C1QTNF7: variants seen among roughly 807,000 people sequenced by gnomAD.
The protein encoded by C1QTNF7 is complement C1q tumor necrosis factor-related protein 7.
C1QTNF7 carries 15 observed loss-of-function variants against 19.6 expected under a neutral mutation model. The ratio of observed to expected loss-of-function variants is 0.76; its 90% confidence interval spans 0.51 to 1.18. The LOEUF is 1.18. C1QTNF7 is among the 50% of genes most tolerant of loss of function. The pLI is 0.00. For synonymous variants in C1QTNF7, 142 were observed against 137.5 expected, an observed-to-expected ratio of 1.03 and a Z score of -0.23; for missense variants, 324 against 359.7, an observed-to-expected ratio of 0.90 and a Z score of 0.80.
intron 1 of C1QTNF7, among the ~76,000 whole-genome samples, chr4:15,430,693 C>A (rs1440494032): frequency 2.6e-5 from 4 of 151,894 alleles, no homozygotes; most frequent in Admixed American, 2.6e-4. Context: ...TGATTTATTC[C>A]CAGTCAAAAT....
At chr4:15,383,228 C>A (rs1718211208) in intron 1 of C1QTNF7, among the ~76,000 whole-genome samples, 1 of 152,110 alleles carries the variant, frequency 6.6e-6, no homozygotes, top group Non-Finnish European at 1.5e-5. Context: ...GTGACAAATG[C>A]AATCTCTTAT....
At chr4:15,378,939 T>G (rs1459374249) in intron 1 of C1QTNF7, among the ~76,000 whole-genome samples, 1 of 152,234 alleles carries the variant, frequency 6.6e-6, no homozygotes, top group Non-Finnish European at 1.5e-5. Context: ...TCAATTAGCC[T>G]AATAATTGTG....
At chr4:15,386,311 A>G (rs1312140924) in intron 1 of C1QTNF7, among the ~76,000 whole-genome samples, 1 of 152,198 alleles carries the variant, frequency 6.6e-6, no homozygotes, top group African/African-American at 2.4e-5. Flanking sequence ...TAGATACAAG[A>G]GGTCATGGGT....
At chr4:15,389,783 G>T (rs974314610) in intron 1 of C1QTNF7, among the ~76,000 whole-genome samples, 2 of 152,136 alleles carry the variant, frequency 1.3e-5, no homozygotes, top group Non-Finnish European at 2.9e-5. Flanking sequence ...ATCCCCTAGA[G>T]ATTTTCATAA....
chr4:15,442,850 G>T lies in C1QTNF7; in HGVS notation c.*51G>T. 2.0e-6 allele frequency: 3 copies of T among 1,504,476 alleles called. No homozygotes were observed. The highest frequency in any genetic ancestry group is 2.7e-6 in the Non-Finnish European group (3 of 1,127,918). 93.2% of individuals were successfully genotyped at this position (1,504,476 alleles called of 1,614,324 possible). Reference sequence around the variant, plus strand: ...CACTCTGATTGAATCTGGGGTTCCAGAAGGTGGAACAAGCAGGAATGGGAT... The same window carrying T: ...CACTCTGATTGAATCTGGGGTTCCATAAGGTGGAACAAGCAGGAATGGGAT... On this transcript the variant is annotated 3_prime_UTR_variant, in exon 3 of 3. Transcript: ENST00000444304.
At chr4:15,418,775 G>A (rs1711590711) in intron 1 of C1QTNF7, among the ~76,000 whole-genome samples, 2 of 152,180 alleles carry the variant, frequency 1.3e-5, no homozygotes, top group Admixed American at 1.3e-4. Flanking sequence ...TTTTCCATCT[G>A]AAGAATGCAA....
intron 1 of C1QTNF7, among the ~76,000 whole-genome samples, chr4:15,409,740 G>T (rs1011552003): frequency 2.0e-5 from 3 of 152,074 alleles, no homozygotes; most frequent in Non-Finnish European, 4.4e-5. Context: ...GACACCCTGG[G>T]CTTGGTGTGC....
At chr4:15,413,180 T>C (rs1158401316) in intron 1 of C1QTNF7, among the ~76,000 whole-genome samples, 4 of 152,242 alleles carry the variant, frequency 2.6e-5, no homozygotes, top group Non-Finnish European at 2.9e-5. Flanking sequence ...GGCAGTCTCC[T>C]GCACACAACC....
Position 15,382,672 on chromosome 4 carries a change from A to G in C1QTNF7, c.13+42465A>G, listed in dbSNP as rs1310025854. Among the ~76,000 whole-genome samples, 5 of 152,280 alleles carry G rather than the reference A, an allele frequency of 3.3e-5. No homozygotes were observed. In the East Asian group the frequency reaches 9.7e-4, roughly 29 times the overall value. ...TCTATTGTAGTACAGTTTGCATCAT[A>G]TTGTTACACATGATGAATCCCATAC... On this transcript the variant is annotated intron_variant, in intron 1 of 2. Coordinates refer to the C1QTNF7 transcript ENST00000295297.
chr4:15,362,904 G>A (rs547622609), intron 1 of C1QTNF7, among the ~76,000 whole-genome samples: 2 of 152,210 alleles, frequency 1.3e-5, no homozygotes, highest in South Asian at 4.2e-4. Context: ...AATACTATAA[G>A]TAAGTATCAT....
intron 1 of C1QTNF7, among the ~76,000 whole-genome samples, chr4:15,380,236 G>A (rs1354894381): frequency 6.6e-6 from 1 of 152,186 alleles, no homozygotes; most frequent in Non-Finnish European, 1.5e-5. Context: ...AGCTAGGATT[G>A]TATTTGTAAG....
chr4:15,352,259 T>C (rs921617908), intron 1 of C1QTNF7, among the ~76,000 whole-genome samples: 1 of 152,200 alleles, frequency 6.6e-6, no homozygotes, highest in African/African-American at 2.4e-5. Flanking sequence ...AAAAATTCTA[T>C]AAAATAGCTG....
intron 1 of C1QTNF7, among the ~76,000 whole-genome samples, chr4:15,388,365 C>CCCA (rs1718420022): frequency 6.6e-6 from 1 of 152,100 alleles, no homozygotes; most frequent in East Asian, 1.9e-4. Context: ...GTCCATCCAG[C>CCCA]CAGAATGGTG....
At chr4:15,412,338 C>G (rs535559158) in intron 1 of C1QTNF7, among the ~76,000 whole-genome samples, 3 of 151,798 alleles carry the variant, frequency 2.0e-5, no homozygotes, top group Admixed American at 2.0e-4. Flanking sequence ...CCCCACCAGT[C>G]TGTGGGAAAA....
chr4:15,347,674 AC>A (rs1336200842), intron 1 of C1QTNF7, among the ~76,000 whole-genome samples: 1 of 152,190 alleles, frequency 6.6e-6, no homozygotes, highest in African/African-American at 2.4e-5. Flanking sequence ...TACAGAGTTC[AC>A]TTAGTGATAT....
intron 1 of C1QTNF7, among the ~76,000 whole-genome samples, chr4:15,398,900 T>G (rs1718884087): frequency 6.6e-6 from 1 of 152,198 alleles, no homozygotes; most frequent in South Asian, 2.1e-4. Flanking sequence ...CTTTATAAGC[T>G]GGTGTGCTTC....
chr4:15,377,157 G>A (rs527508249), intron 1 of C1QTNF7, among the ~76,000 whole-genome samples: 60 of 152,248 alleles, frequency 3.9e-4, no homozygotes, highest in Non-Finnish European at 7.2e-4. Context: ...TATAATCTGG[G>A]ACAAAATGGA....
intron 1 of C1QTNF7, among the ~76,000 whole-genome samples, chr4:15,435,147 T>G (rs768643133): frequency 2.0e-5 from 3 of 152,204 alleles, no homozygotes; most frequent in Non-Finnish European, 4.4e-5. Context: ...ATAATGGGGG[T>G]TCTGTACATA....
intron 1 of C1QTNF7, among the ~76,000 whole-genome samples, chr4:15,342,173 T>C (rs993833521): frequency 2.0e-5 from 3 of 152,188 alleles, no homozygotes; most frequent in Admixed American, 2.0e-4. Context: ...CACAGTGACC[T>C]AATCGCACCT....
Sources: gnomAD v4.1 joint callset for allele counts (sites outside exome capture counted in the v4.1 genomes callset) on GRCh38, gnomAD v4.1.1 for gene constraint, MANE v1.5 for transcripts, NCBI Gene and HGNC (gene_info 2026-07-23, HGNC 2026-07-21) for gene names.